The following DPP10 variants were observed in gnomAD, a reference collection of about 807,000 sequenced individuals.
The protein encoded by DPP10 is dipeptidyl peptidase like 10.
A neutral mutation model predicts 120.9 loss-of-function variants in DPP10; 33 were observed. That is an observed-to-expected ratio of 0.27 (90% CI 0.21 to 0.37). The LOEUF is 0.37. Among genes scored for constraint, DPP10 ranks in the 10% least tolerant of loss-of-function variants. The pLI is 1.00. For missense variants in DPP10, 816 were observed against 942.8 expected (o/e 0.87, Z 1.76); for synonymous variants, 337 against 326.1 (o/e 1.03, Z -0.36).
intron 1 of DPP10, among the ~76,000 whole-genome samples, chr2:115,034,878 T>A (rs1704117200): frequency 6.6e-6 from 1 of 152,210 alleles, no homozygotes; most frequent in South Asian, 2.1e-4. Context: ...CCAGAGCTGG[T>A]CTCCCTGACT....
chr2:114,489,912 T>A (rs140501021), intron 1 of DPP10, among the ~76,000 whole-genome samples: 1 of 152,324 alleles, frequency 6.6e-6, no homozygotes, highest in East Asian at 1.9e-4. Context: ...AACTGTGAAC[T>A]GGGCTGATGT....
In DPP10 at chr2:114,855,204, A is replaced by G. The variant is rs568789111; in HGVS notation, c.60+412366A>G. Among the ~76,000 whole-genome samples, 3 of 152,336 alleles carry G rather than the reference A, an allele frequency of 2.0e-5. No individual in the cohort carries two copies. In the South Asian group the frequency reaches 6.2e-4, roughly 32 times the overall value. On this transcript the variant is annotated intron_variant, in intron 1 of 25. Coordinates refer to ENST00000410059, the MANE Select transcript of DPP10 (RefSeq NM_020868.6). Reference sequence around the variant, plus strand: ...ATATTAGAGCAAATTGTAATAATACATATCTCAATTGTAGAACTTTATTGA... The same window carrying G: ...ATATTAGAGCAAATTGTAATAATACGTATCTCAATTGTAGAACTTTATTGA...
chr2:114,992,732 T>C (rs1700821088), intron 1 of DPP10, among the ~76,000 whole-genome samples: 1 of 152,204 alleles, frequency 6.6e-6, no homozygotes, highest in African/African-American at 2.4e-5. Context: ...AGTTACTAAA[T>C]TCCTTTACTG....
intron 1 of DPP10, among the ~76,000 whole-genome samples, chr2:114,458,382 C>T (rs1263729331): frequency 6.6e-6 from 1 of 152,146 alleles, no homozygotes; most frequent in Non-Finnish European, 1.5e-5. Flanking sequence ...CCCTATTTGC[C>T]TGTCATGAAA....
intron 1 of DPP10, among the ~76,000 whole-genome samples, chr2:114,583,233 A>G (rs1331314423): frequency 1.3e-5 from 2 of 152,206 alleles, no homozygotes; most frequent in Non-Finnish European, 2.9e-5. Context: ...TTTTCAAAAT[A>G]ATGCTTATAT....
At chr2:115,777,388 TC>T (rs1200957638) in intron 14 of DPP10, 89 bp downstream of exon 14, 1 of 1,208,540 alleles carries the variant, frequency 8.3e-7, no homozygotes, top group Non-Finnish European at 1.2e-6. Flanking sequence ...CTTACCATAG[TC>T]CTAGTCAAAA....
intron 5 of DPP10, among the ~76,000 whole-genome samples, chr2:115,573,978 C>T (rs540070540): frequency 5.3e-5 from 8 of 152,178 alleles, no homozygotes; most frequent in Non-Finnish European, 1.2e-4. Flanking sequence ...ACCACTGAAG[C>T]TTAACTAAAA....
intron 3 of DPP10, among the ~76,000 whole-genome samples, chr2:115,419,690 C>T (rs2104665014): frequency 6.6e-6 from 1 of 152,254 alleles, no homozygotes; most frequent in Non-Finnish European, 1.5e-5. Context: ...TCAAACACTT[C>T]TTTAAAAATA....
chr2:115,535,672 G>A (rs377494025), intron 5 of DPP10, among the ~76,000 whole-genome samples: 6 of 150,420 alleles, frequency 4.0e-5, no homozygotes, highest in South Asian at 4.3e-4. Context: ...AGCTTGATGG[G>A]GATGGCATTG....
At position 115,348,276 on chromosome 2, in the gene DPP10, T is replaced by G. The variant is rs1240697213; in HGVS notation, c.271+4364T>G. ...CCAGGTACATTCATGTAGTGGTAAC[T>G]TATACAGTCACTAAAACTAGAGTTT... On this transcript the variant is annotated intron_variant, in intron 3 of 25. Coordinates refer to ENST00000410059, the MANE Select transcript of DPP10 (RefSeq NM_020868.6). 3.9e-5 allele frequency among the ~76,000 whole-genome samples: 6 copies of G among 152,128 alleles called. No homozygotes were observed. The East Asian group carries it at 1.2e-3, about 29-fold the overall frequency.
intron 3 of DPP10, among the ~76,000 whole-genome samples, chr2:115,356,588 A>G (rs897682379): frequency 3.9e-5 from 6 of 152,114 alleles, no homozygotes; most frequent in African/African-American, 1.2e-4. Context: ...TTCCAATACT[A>G]TCTTGAATAG....
chr2:115,443,623 A>G (rs143618552), intron 3 of DPP10, among the ~76,000 whole-genome samples: 11 of 152,322 alleles, frequency 7.2e-5, no homozygotes, highest in Non-Finnish European at 1.3e-4. Context: ...GGTCAAGATT[A>G]TGATTCACAA....
At chr2:115,497,100 G>A (rs1038153103) in intron 3 of DPP10, among the ~76,000 whole-genome samples, 3 of 152,004 alleles carry the variant, frequency 2.0e-5, no homozygotes, top group Non-Finnish European at 4.4e-5. Flanking sequence ...ATATATAGGC[G>A]AGTCACAAAT....
intron 1 of DPP10, among the ~76,000 whole-genome samples, chr2:114,515,448 C>A (rs114739483): frequency 0.012 from 1,781 of 152,228 alleles, 29 homozygotes; most frequent in African/African-American, 0.041. Flanking sequence ...ATATGACTTA[C>A]AAATAGAGCT....
At chr2:115,731,102 G>T (rs2149654770) in intron 8 of DPP10, among the ~76,000 whole-genome samples, 1 of 152,220 alleles carries the variant, frequency 6.6e-6, no homozygotes, top group Non-Finnish European at 1.5e-5. Context: ...GCTCATACCT[G>T]TAATCCCAGC....
intron 1 of DPP10, among the ~76,000 whole-genome samples, chr2:115,276,899 C>T (rs1392110603): frequency 1.3e-5 from 2 of 152,106 alleles, no homozygotes; most frequent in African/African-American, 2.4e-5. Flanking sequence ...TGCTATTGAC[C>T]TATGCCCCTT....
chr2:115,840,818 A>G lies in DPP10; in HGVS notation c.2251A>G (p.Met751Val). 2 of 1,610,380 alleles carry G rather than the reference A, an allele frequency of 1.2e-6. No homozygotes were observed. The highest frequency in any genetic ancestry group is 1.1e-5 in the South Asian group (1 of 90,528). Residue 751 changes from methionine to valine, a missense_variant, in exon 25 of 26, where the codon ATG (methionine) becomes GTG (valine). This residue lies in a region of DPP10 where 592 missense variants were observed against 649.0 expected (regional missense o/e 0.91). Transcript: ENST00000410059. ...HLIKAGVNYT[M>V]QVYPDEGHNV... is the part of the protein sequence containing the mutation. ...AATAAAAGCTGGAGTGAATTATACT[A>G]TGCAGGTAAGCTACTTTCTTAGAAG...
intron 4 of DPP10, among the ~76,000 whole-genome samples, chr2:115,518,867 G>T (rs559347742): frequency 5.9e-5 from 9 of 152,116 alleles, no homozygotes; most frequent in Non-Finnish European, 7.4e-5. Context: ...GCTTTTATAT[G>T]CTGTATTCTT....
At chr2:114,753,926 A>C (rs908545156) in intron 1 of DPP10, among the ~76,000 whole-genome samples, 1 of 151,220 alleles carries the variant, frequency 6.6e-6, no homozygotes, top group African/African-American at 2.4e-5. Context: ...AAAAAAAAAA[A>C]AAAAAAGAAA....
Sources: allele counts gnomAD v4.1 joint callset (sites outside exome capture counted in the v4.1 genomes callset), GRCh38; gene constraint gnomAD v4.1.1; regional missense constraint gnomAD v4.1.1; transcripts MANE v1.5; gene names NCBI Gene and HGNC (gene_info 2026-07-23, HGNC 2026-07-21).